The following VDAC1 variants were observed in gnomAD, a reference collection of about 807,000 sequenced individuals.
The protein encoded by VDAC1 is non-selective voltage-gated ion channel VDAC1.
VDAC1 carries 10 observed loss-of-function variants against 34.7 expected under a neutral mutation model. The observed-to-expected ratio is 0.29, with a 90% CI of 0.18 to 0.49. The LOEUF (loss-of-function observed/expected upper bound fraction) is 0.49, where lower values mean the gene tolerates loss of function less well. VDAC1 is among the 20% of genes least tolerant of loss of function. VDAC1 has a pLI of 0.99. For synonymous variants in VDAC1, 130 were observed against 136.0 expected (o/e 0.96, Z 0.30); for missense variants, 230 against 347.9 (o/e 0.66, Z 2.69).
chr5:134,029,042 A>G, the VDAC1 span, among the ~76,000 whole-genome samples: 4 of 152,096 alleles, frequency 2.6e-5, no homozygotes, highest in Non-Finnish European at 4.4e-5. Flanking sequence ...AGGGTGACCA[A>G]TCGTTCTGGT....
chr5:134,081,090 T>G, the VDAC1 span, among the ~76,000 whole-genome samples: 2 of 150,100 alleles, frequency 1.3e-5, no homozygotes, highest in Non-Finnish European at 3.0e-5. Context: ...CAGGCTGGAG[T>G]GCAATGGCGC....
At chr5:134,048,566 C>T in the VDAC1 span, among the ~76,000 whole-genome samples, 1 of 152,184 alleles carries the variant, frequency 6.6e-6, no homozygotes, top group East Asian at 1.9e-4. Context: ...AGCCACCGTG[C>T]TTGGCCTGAC....
chr5:134,050,174 G>A, the VDAC1 span, among the ~76,000 whole-genome samples: 1 of 152,034 alleles, frequency 6.6e-6, no homozygotes, highest in Non-Finnish European at 1.5e-5. Context: ...GCTTGAACCT[G>A]GGAGGTGGAG....
chr5:134,050,535 G>C, the VDAC1 span, among the ~76,000 whole-genome samples: 1 of 152,096 alleles, frequency 6.6e-6, no homozygotes, highest in Admixed American at 6.6e-5. Flanking sequence ...TGTGAAATAG[G>C]GAGGCCGATG....
At chr5:134,106,940 C>T in the VDAC1 span, among the ~76,000 whole-genome samples, 1 of 152,316 alleles carries the variant, frequency 6.6e-6, no homozygotes, top group South Asian at 2.1e-4. Flanking sequence ...AATAATCCCT[C>T]CCTCTGGTCT....
chr5:134,058,958 C>T, the VDAC1 span, among the ~76,000 whole-genome samples: 4 of 152,226 alleles, frequency 2.6e-5, no homozygotes, highest in African/African-American at 4.8e-5. Flanking sequence ...TTACAATAAC[C>T]GCCTCCTCAT....
In VDAC1 at chr5:133,973,942, G is replaced by C. The variant is rs557094528; in HGVS notation, c.703-94C>G. On this transcript the variant is annotated intron_variant, in intron 7 of 8. Coordinates refer to ENST00000265333, the MANE Select transcript of VDAC1 (RefSeq NM_003374.3). ...AGAGCTTTTTAGTCAACCAACCTTG[G>C]ACTTTAGAATCAAAATTTTTCATGA... 1.4e-5 allele frequency: 17 copies of C among 1,214,472 alleles called. No individual in the cohort carries two copies. In the South Asian group the frequency reaches 2.4e-4, roughly 17 times the overall value. 75.2% of individuals were successfully genotyped at this position (1,214,472 alleles called of 1,614,324 possible).
the VDAC1 span, among the ~76,000 whole-genome samples, chr5:134,077,068 C>T: frequency 6.6e-6 from 1 of 152,084 alleles, no homozygotes; most frequent in African/African-American, 2.4e-5. Flanking sequence ...CACTTGAGGC[C>T]AGGAGTTCGA....
the VDAC1 span, among the ~76,000 whole-genome samples, chr5:134,021,436 T>C: frequency 6.7e-6 from 1 of 149,730 alleles, no homozygotes; most frequent in Non-Finnish European, 1.5e-5. Context: ...GAACATGTGG[T>C]GTTTGGTTTT....
chr5:134,041,306 A>C, the VDAC1 span, among the ~76,000 whole-genome samples: 1 of 152,074 alleles, frequency 6.6e-6, no homozygotes, highest in East Asian at 1.9e-4. Context: ...CCTTGACCTA[A>C]TCTTTACTGC....
At chr5:134,000,719 C>T (rs1580732184) in intron 1 of VDAC1, among the ~76,000 whole-genome samples, 1 of 150,658 alleles carries the variant, frequency 6.6e-6, no homozygotes, top group South Asian at 2.1e-4. Flanking sequence ...GCCTGGATGG[C>T]GTCACTGTGA....
chr5:134,039,538 C>G, the VDAC1 span, among the ~76,000 whole-genome samples: 1 of 152,068 alleles, frequency 6.6e-6, no homozygotes, highest in Non-Finnish European at 1.5e-5. Context: ...ACCGTGTTAG[C>G]CAGGATGGTC....
At chr5:134,074,425 G>T in the VDAC1 span, among the ~76,000 whole-genome samples, 1 of 152,168 alleles carries the variant, frequency 6.6e-6, no homozygotes, top group Non-Finnish European at 1.5e-5. Flanking sequence ...GCATGGGGGT[G>T]TTCTGTGACC....
the VDAC1 span, among the ~76,000 whole-genome samples, chr5:134,027,250 T>C: frequency 1.3e-5 from 2 of 152,126 alleles, no homozygotes; most frequent in Non-Finnish European, 2.9e-5. Context: ...CAGGGGCCCC[T>C]GGATAGGATG....
At chr5:133,974,431 G>C (rs957020792) in intron 7 of VDAC1, among the ~76,000 whole-genome samples, 3 of 152,178 alleles carry the variant, frequency 2.0e-5, no homozygotes, top group Non-Finnish European at 4.4e-5. Context: ...TGCAATGCAG[G>C]AGCTGAAAAG....
the VDAC1 span, among the ~76,000 whole-genome samples, chr5:134,096,162 C>T: frequency 1.3e-5 from 2 of 152,240 alleles, no homozygotes; most frequent in Non-Finnish European, 2.9e-5. Flanking sequence ...TGCGGGGCAG[C>T]CCCTGACTCC....
intron 5 of VDAC1, among the ~76,000 whole-genome samples, chr5:133,985,770 G>C (rs920094555): frequency 1.3e-5 from 2 of 152,228 alleles, no homozygotes; most frequent in African/African-American, 4.8e-5. Flanking sequence ...TTAGACAGCT[G>C]TTGAGAGGCT....
At chr5:134,053,861 A>G in the VDAC1 span, among the ~76,000 whole-genome samples, 1 of 152,200 alleles carries the variant, frequency 6.6e-6, no homozygotes, top group Non-Finnish European at 1.5e-5. Flanking sequence ...GATTCCTCCC[A>G]GAGCTGGCAT....
chr5:133,972,398 A>G lies in VDAC1; in HGVS notation c.*373T>C, dbSNP rs912508752. ...CCATCAAGCAGCGAGCCTCTCATCA[A>G]TTAGGGTTAGGGAACCAAGGTTCGA... On this transcript the variant is annotated 3_prime_UTR_variant, in exon 9 of 9. Coordinates refer to ENST00000265333, the MANE Select transcript of VDAC1 (RefSeq NM_003374.3). The G allele has an allele frequency of 1.2e-5, 5 of 414,102 alleles. No individual in the cohort carries two copies. The highest frequency in any genetic ancestry group is 2.1e-5 in the Non-Finnish European group (5 of 235,654). 25.7% of individuals were successfully genotyped at this position (414,102 alleles called of 1,614,324 possible).
Sources: gnomAD v4.1 joint callset for allele counts (sites outside exome capture counted in the v4.1 genomes callset) on GRCh38, gnomAD v4.1.1 for gene constraint, MANE v1.5 for transcripts, NCBI Gene and HGNC (gene_info 2026-07-23, HGNC 2026-07-21) for gene names.